Variants in SNX29 observed in about 807,000 individuals in gnomAD.
SNX29 encodes the protein sorting nexin 29.
In SNX29, 78 loss-of-function variants were observed where a neutral mutation model predicts 102.1. That is an observed-to-expected ratio of 0.76 (90% CI 0.64 to 0.92). SNX29 has a LOEUF of 0.92. Ranked by LOEUF, SNX29 falls within the 40% of genes least tolerant of loss-of-function variation. The probability of loss-of-function intolerance (pLI) is 0.00; values close to 1 mark genes in which losing one functional copy is unlikely to be tolerated. For missense variants in SNX29, 1,280 were observed against 1,061.7 expected (o/e 1.21, Z -2.86); for synonymous variants, 580 against 414.5 (o/e 1.40, Z -4.85).
intron 14 of SNX29, among the ~76,000 whole-genome samples, chr16:12,223,411 C>T (rs2077529248): frequency 1.3e-5 from 2 of 152,118 alleles, no homozygotes; most frequent in Admixed American, 1.3e-4. Context: ...CCTGTAATCC[C>T]AGCACTTTGG....
chr16:12,124,228 C>T (rs951548129), intron 11 of SNX29, among the ~76,000 whole-genome samples: 1 of 151,922 alleles, frequency 6.6e-6, no homozygotes, highest in African/African-American at 2.4e-5. Context: ...TGGTGGCAGG[C>T]GCCTGTAATC....
chr16:12,089,139 GAGAGAAA>G lies in SNX29; in HGVS notation c.1402+10232_1402+10238del, dbSNP rs1318845694. ...GAGAGAGAGAGAAAAGAGAGAGAGA[GAGAGAAA>G]AGAGAAAGAGAAAGAAAGAAAGAAA... On this transcript the variant is annotated intron_variant, in intron 11 of 20. Transcript: ENST00000566228. Among the ~76,000 whole-genome samples, 891 of 118,774 alleles carry G rather than the reference GAGAGAAA, an allele frequency of 7.5e-3. 7 individuals carry two copies. The highest frequency in any genetic ancestry group is 0.028 in the African/African-American group (854 of 30,534). The allele number at this position is 118,774 out of a possible 152,430, so 77.9% of individuals were successfully genotyped here.
chr16:12,380,943 ATCCATCCAC>A lies in SNX29; in HGVS notation c.1900-17502_1900-17494del, dbSNP rs1465635916. On this transcript the variant is annotated intron_variant, in intron 16 of 20. Coordinates refer to ENST00000566228, the MANE Select transcript of SNX29 (RefSeq NM_032167.5). ...CCCACCATCCATCCATCCACCATCCATCCATCCACCCATCCATCAATTTCATCCACCCAC... is the reference window on the plus strand; with the variant it reads ...CCCACCATCCATCCATCCACCATCCACCATCCATCAATTTCATCCACCCAC... 2.7e-3 allele frequency among the ~76,000 whole-genome samples: 82 copies of A among 30,920 alleles called. 1 individual carries two copies. In the African/African-American group the frequency reaches 0.03, roughly 11 times the overall value. 20.3% of individuals were successfully genotyped at this position (30,920 alleles called of 152,430 possible). A position where few individuals can be genotyped will look rare whatever the true frequency, so the allele number is the denominator to read the frequency against.
intron 14 of SNX29, among the ~76,000 whole-genome samples, chr16:12,226,452 G>A (rs531926690): frequency 2.0e-5 from 3 of 152,262 alleles, no homozygotes; most frequent in East Asian, 3.9e-4. Context: ...TCTATAGACT[G>A]TATGGTTGAT....
intron 10 of SNX29, among the ~76,000 whole-genome samples, chr16:12,072,069 T>A (rs1212815020): frequency 6.6e-6 from 1 of 152,228 alleles, no homozygotes; most frequent in East Asian, 1.9e-4. Flanking sequence ...GATTTTGGGC[T>A]GAGACAATGG....
chr16:12,162,452 A>C (rs558614154), intron 13 of SNX29, among the ~76,000 whole-genome samples: 2 of 152,262 alleles, frequency 1.3e-5, no homozygotes, highest in African/African-American at 2.4e-5. Context: ...TTTGCAGGCC[A>C]TATGGTCTCT....
intron 14 of SNX29, among the ~76,000 whole-genome samples, chr16:12,236,940 C>T (rs974271313): frequency 3.3e-5 from 5 of 152,128 alleles, no homozygotes; most frequent in Non-Finnish European, 4.4e-5. Context: ...TGGAGAAAGC[C>T]GGGTGGGGAG....
intron 16 of SNX29, among the ~76,000 whole-genome samples, chr16:12,383,182 T>A (rs2083233810): frequency 6.6e-6 from 1 of 152,154 alleles, no homozygotes; most frequent in Non-Finnish European, 1.5e-5. Context: ...TCCCCTGAGG[T>A]CACCATTGTG....
intron 18 of SNX29, among the ~76,000 whole-genome samples, chr16:12,456,477 A>G (rs954828207): frequency 3.3e-5 from 5 of 151,772 alleles, no homozygotes; most frequent in African/African-American, 1.2e-4. Flanking sequence ...GGGGTGGGGT[A>G]AGGGTGTATA....
At chr16:12,077,800 T>C (rs1404719647) in intron 10 of SNX29, among the ~76,000 whole-genome samples, 1 of 152,036 alleles carries the variant, frequency 6.6e-6, no homozygotes, top group African/African-American at 2.4e-5. Context: ...TTTGTATTTT[T>C]AGTAGAGAAG....
At chr16:12,539,700 A>C (rs1019507387) in intron 20 of SNX29, among the ~76,000 whole-genome samples, 1 of 152,232 alleles carries the variant, frequency 6.6e-6, no homozygotes, top group Non-Finnish European at 1.5e-5. Context: ...AGCATGTCAT[A>C]CTGTCATGAT....
At chr16:12,067,421 C>G (rs1221900337) in intron 9 of SNX29, among the ~76,000 whole-genome samples, 2 of 152,118 alleles carry the variant, frequency 1.3e-5, no homozygotes, top group Non-Finnish European at 2.9e-5. Flanking sequence ...CGTGCTCTCT[C>G]CAGCACCATG....
intron 16 of SNX29, among the ~76,000 whole-genome samples, chr16:12,362,766 G>T (rs2082345717): frequency 6.6e-6 from 1 of 152,044 alleles, no homozygotes; most frequent in Non-Finnish European, 1.5e-5. Context: ...TGACTATGAT[G>T]CTGACATGTG....
intron 15 of SNX29, among the ~76,000 whole-genome samples, chr16:12,326,275 A>G (rs1198341614): frequency 6.6e-6 from 1 of 151,692 alleles, no homozygotes; most frequent in Non-Finnish European, 1.5e-5. Flanking sequence ...TGGCCCCACA[A>G]AGTGCTGGTA....
intron 20 of SNX29, among the ~76,000 whole-genome samples, chr16:12,541,475 G>A (rs2077337541): frequency 6.6e-6 from 1 of 152,254 alleles, no homozygotes; most frequent in East Asian, 1.9e-4. Context: ...ATGGAGCCAG[G>A]ATCTCAGACC....
At chr16:12,040,517 A>G (rs903279728) in intron 4 of SNX29, among the ~76,000 whole-genome samples, 3 of 152,252 alleles carry the variant, frequency 2.0e-5, no homozygotes, top group African/African-American at 7.2e-5. Flanking sequence ...GGTTTCCCAT[A>G]ACGCCTTAAA....
At chr16:12,478,822 C>G (rs541160844) in intron 19 of SNX29, among the ~76,000 whole-genome samples, 2 of 152,322 alleles carry the variant, frequency 1.3e-5, no homozygotes, top group South Asian at 2.1e-4. Context: ...GAAGGGAGGC[C>G]TGGGCATGGA....
intron 18 of SNX29, among the ~76,000 whole-genome samples, chr16:12,476,601 C>A (rs759142464): frequency 7.3e-5 from 11 of 150,572 alleles, no homozygotes; most frequent in South Asian, 2.1e-4. Context: ...GACATTATTG[C>A]TCCTTAAGGT....
At chr16:12,297,766 A>G (rs1386838028) in intron 15 of SNX29, among the ~76,000 whole-genome samples, 1 of 152,170 alleles carries the variant, frequency 6.6e-6, no homozygotes, top group Non-Finnish European at 1.5e-5. Context: ...GAGCTGCGGA[A>G]TATCGTTGAT....
Sources: allele counts gnomAD v4.1 joint callset (sites outside exome capture counted in the v4.1 genomes callset), GRCh38; gene constraint gnomAD v4.1.1; transcripts MANE v1.5; gene names NCBI Gene and HGNC (gene_info 2026-07-23, HGNC 2026-07-21).